BTBD10: variants seen among roughly 807,000 people sequenced by gnomAD.
BTBD10 encodes the protein BTB domain containing 10.
In BTBD10, 21 loss-of-function variants were observed where a neutral mutation model predicts 53.2. The ratio of observed to expected loss-of-function variants is 0.39; its 90% CI spans 0.28 to 0.57. BTBD10 has a LOEUF of 0.57. Ranked by LOEUF, BTBD10 falls within the 20% of genes least tolerant of loss-of-function variation. The pLI, the probability that BTBD10 is intolerant of heterozygous loss-of-function variation, is 0.53. For missense variants in BTBD10, 360 were observed against 594.7 expected (o/e 0.61, Z 4.10); for synonymous variants, 149 against 192.7 (o/e 0.77, Z 1.88).
intron 6 of BTBD10, among the ~76,000 whole-genome samples, chr11:13,407,723 C>T (rs1949861607): frequency 1.3e-5 from 2 of 152,192 alleles, no homozygotes; most frequent in Non-Finnish European, 2.9e-5. Flanking sequence ...TCTAGCTCCC[C>T]TCCCCTTTAA....
intron 2 of BTBD10, among the ~76,000 whole-genome samples, chr11:13,440,735 T>C (rs1289802092): frequency 6.6e-6 from 1 of 152,204 alleles, no homozygotes; most frequent in African/African-American, 2.4e-5. Flanking sequence ...CTATACTGAA[T>C]GTATGATGCA....
intron 8 of BTBD10, among the ~76,000 whole-genome samples, chr11:13,395,434 T>C (rs1949521664): frequency 6.6e-6 from 1 of 152,248 alleles, no homozygotes; most frequent in Non-Finnish European, 1.5e-5. Context: ...AGATTCTGGA[T>C]ATTAGCCCTT....
At chr11:13,426,549 C>T (rs1310285619) in intron 2 of BTBD10, among the ~76,000 whole-genome samples, 1 of 151,886 alleles carries the variant, frequency 6.6e-6, no homozygotes, top group African/African-American at 2.4e-5. Flanking sequence ...ATAACATATA[C>T]ATATAACTAG....
chr11:13,413,181 A>G (rs2135798872), intron 6 of BTBD10, among the ~76,000 whole-genome samples: 1 of 152,292 alleles, frequency 6.6e-6, no homozygotes, highest in South Asian at 2.1e-4. Context: ...AAATTTTTGG[A>G]TGATGTAATC....
At chr11:13,404,095 C>T (rs540006347) in intron 7 of BTBD10, among the ~76,000 whole-genome samples, 154 of 152,202 alleles carry the variant, frequency 1.0e-3, no homozygotes, top group African/African-American at 3.5e-3. Flanking sequence ...AAAGAAAATA[C>T]GTATATAAAC....
At chr11:13,415,397 G>A (rs1395471575) in intron 5 of BTBD10, among the ~76,000 whole-genome samples, 31 of 152,110 alleles carry the variant, frequency 2.0e-4, no homozygotes, top group Non-Finnish European at 4.4e-5. Context: ...TCATGCCCCA[G>A]GCGCAGTGTT....
intron 2 of BTBD10, among the ~76,000 whole-genome samples, chr11:13,430,835 G>A (rs572593845): frequency 7.2e-5 from 11 of 152,014 alleles, no homozygotes; most frequent in Non-Finnish European, 1.0e-4. Flanking sequence ...TGTATAGAGC[G>A]ACAGAAAACA....
At chr11:13,404,958 A>G (rs1008939116) in intron 7 of BTBD10, among the ~76,000 whole-genome samples, 1 of 152,146 alleles carries the variant, frequency 6.6e-6, no homozygotes, top group Admixed American at 6.5e-5. Context: ...TATAGTACAG[A>G]AGAAGATGCT....
intron 2 of BTBD10, among the ~76,000 whole-genome samples, chr11:13,438,088 T>A (rs185814650): frequency 6.6e-6 from 1 of 152,134 alleles, no homozygotes; most frequent in South Asian, 2.1e-4. Context: ...AAGAGCTAGA[T>A]TTTTCCCTCT....
At position 13,421,660 on chromosome 11, in the gene BTBD10, T is replaced by C; in HGVS notation, c.280A>G (p.Thr94Ala). Reference protein sequence around the residue: ...TPCIRNVTSPTRQHHVEREKD... With the variant: ...TPCIRNVTSPARQHHVEREKD... ...TACATACCAACATGGTGCTGTCGTG[T>C]TGGAGAAGTCACATTTCTAATACAA... Residue 94 changes from threonine (T) to alanine (A), a missense_variant, in exon 3 of 9, where the codon ACA becomes GCA. This residue lies in a region of BTBD10 where 109 missense variants were observed against 118.6 expected (regional missense o/e 0.92). Transcript: ENST00000278174. 2 of 1,613,628 alleles carry C rather than the reference T, an allele frequency of 1.2e-6. No individual in the cohort carries two copies. Among genetic ancestry groups the C allele is most frequent in the Non-Finnish European group, 1.7e-6 (2 of 1,179,842 alleles).
At chr11:13,390,778 A>G (rs1429208002) in intron 8 of BTBD10, among the ~76,000 whole-genome samples, 1 of 152,234 alleles carries the variant, frequency 6.6e-6, no homozygotes, top group Non-Finnish European at 1.5e-5. Flanking sequence ...ATTACTGCAT[A>G]AGGGAATGCA....
At chr11:13,399,232 G>T (rs941328475) in intron 8 of BTBD10, among the ~76,000 whole-genome samples, 1 of 152,116 alleles carries the variant, frequency 6.6e-6, no homozygotes, top group Admixed American at 6.5e-5. Flanking sequence ...ATTTCTTGGA[G>T]GCTTTGTTCG....
intron 5 of BTBD10, 35 bp downstream of exon 5, chr11:13,417,123 T>C: frequency 1.3e-6 from 2 of 1,507,376 alleles, no homozygotes; most frequent in Non-Finnish European, 9.1e-7. Flanking sequence ...AGAAGGCGTC[T>C]TATGATTAAG....
chr11:13,422,035 T>C (rs1290443643), intron 2 of BTBD10, among the ~76,000 whole-genome samples, 197 bp from the exon 3 acceptor site: 1 of 152,214 alleles, frequency 6.6e-6, no homozygotes, highest in African/African-American at 2.4e-5. Context: ...GAAGATCACA[T>C]ACTTGAACTC....
intron 1 of BTBD10, among the ~76,000 whole-genome samples, chr11:13,447,426 A>G (rs1199342944): frequency 3.3e-5 from 5 of 152,216 alleles, no homozygotes; most frequent in Non-Finnish European, 7.3e-5. Flanking sequence ...AGAGCATTTT[A>G]TCTCTTCCTT....
chr11:13,409,186 A>G (rs189023863), intron 6 of BTBD10, among the ~76,000 whole-genome samples: 66 of 152,236 alleles, frequency 4.3e-4, no homozygotes, highest in Non-Finnish European at 7.5e-4. Flanking sequence ...TCTCAAATAT[A>G]CCAGACAAGC....
chr11:13,413,779 T>C, intron 5 of BTBD10, 129 bp from the exon 6 acceptor site: 1 of 891,710 alleles, frequency 1.1e-6, no homozygotes, highest in African/African-American at 1.7e-5. Flanking sequence ...AATGTGGAAG[T>C]TTAAACTTAG....
At chr11:13,422,582 C>T (rs893522412) in intron 2 of BTBD10, among the ~76,000 whole-genome samples, 3 of 151,962 alleles carry the variant, frequency 2.0e-5, no homozygotes, top group Admixed American at 6.5e-5. Flanking sequence ...GCGAAGGTTG[C>T]GGTGAGCCGA....
rs1263928062 is a variant in BTBD10, at chr11:13,415,567, GC to G, written c.687+1590del. Among the ~76,000 whole-genome samples, 8 of 147,924 alleles carry G rather than the reference GC, an allele frequency of 5.4e-5. No homozygotes were observed. The South Asian group carries it at 6.4e-4, about 12-fold the overall frequency. ...GGCCTTTGCTCACTAGAAGCAAGGAGCCCCCTGCCCCTTCTTTTTTTTTTTA... is the reference window on the plus strand; with the variant it reads ...GGCCTTTGCTCACTAGAAGCAAGGAGCCCCTGCCCCTTCTTTTTTTTTTTA... On this transcript the variant is annotated intron_variant, in intron 5 of 8. Transcript: ENST00000278174.
Sources: allele counts gnomAD v4.1 joint callset (sites outside exome capture counted in the v4.1 genomes callset), GRCh38; gene constraint gnomAD v4.1.1; regional missense constraint gnomAD v4.1.1; transcripts MANE v1.5; gene names NCBI Gene and HGNC (gene_info 2026-07-23, HGNC 2026-07-21).